The following NR1H4 variants were observed in gnomAD, a reference collection of about 807,000 sequenced individuals.
NR1H4 encodes bile acid receptor.
Under a neutral mutation model 58.5 loss-of-function variants are expected in NR1H4, and 23 were observed. The observed-to-expected ratio is 0.39, with a 90% CI of 0.28 to 0.56. The LOEUF (loss-of-function observed/expected upper bound fraction) is 0.56. NR1H4 is among the 20% of genes least tolerant of loss of function. The pLI, the probability that NR1H4 is intolerant of heterozygous loss-of-function variation, is 0.58. For missense variants in NR1H4, 487 were observed against 576.9 expected, an observed-to-expected ratio of 0.84 and a Z score of 1.60; for synonymous variants, 214 against 198.0, an observed-to-expected ratio of 1.08 and a Z score of -0.68.
intron 1 of NR1H4, among the ~76,000 whole-genome samples, chr12:100,476,245 G>C (rs571080735): frequency 7.9e-5 from 12 of 152,112 alleles, no homozygotes; most frequent in African/African-American, 1.7e-4. Flanking sequence ...GAGCGGCGAG[G>C]GGGGACCAGC....
At chr12:100,490,505 G>T (rs550612626) in intron 1 of NR1H4, among the ~76,000 whole-genome samples, 2 of 152,104 alleles carry the variant, frequency 1.3e-5, no homozygotes, top group African/African-American at 4.8e-5. Flanking sequence ...CGTTCACATT[G>T]TGGGTTCCTG....
intron 1 of NR1H4, among the ~76,000 whole-genome samples, chr12:100,486,427 A>G (rs1329366664): frequency 2.0e-5 from 3 of 152,216 alleles, no homozygotes; most frequent in Non-Finnish European, 2.9e-5. Flanking sequence ...GGAAGCATCA[A>G]TCAACAAACT....
chr12:100,481,829 G>C (rs1410929392), intron 1 of NR1H4, among the ~76,000 whole-genome samples: 1 of 152,090 alleles, frequency 6.6e-6, no homozygotes, highest in Non-Finnish European at 1.5e-5. Context: ...CAGGAGAATG[G>C]TGTGAACCCA....
intron 9 of NR1H4, among the ~76,000 whole-genome samples, chr12:100,545,671 C>CAAAAAAAAAAA (rs1491301660): frequency 1.9e-4 from 10 of 53,324 alleles, no homozygotes; most frequent in African/African-American, 9.0e-4. Context: ...AAAAAAAAAC[C>CAAAAAAAAAAA]AAACGGGGGG....
chr12:100,492,414 A>G (rs917497481), intron 1 of NR1H4, 89 bp from the exon 2 acceptor site: 2 of 152,204 alleles, frequency 1.3e-5, no homozygotes, highest in African/African-American at 4.8e-5. Context: ...AGGTTTGAAA[A>G]TCATCCTCAG....
chr12:100,520,925 C>T (rs188476419), intron 4 of NR1H4, among the ~76,000 whole-genome samples: 9 of 152,196 alleles, frequency 5.9e-5, no homozygotes, highest in African/African-American at 9.6e-5. Flanking sequence ...TTCTTAAGAC[C>T]GTGCAATATT....
intron 3 of NR1H4, among the ~76,000 whole-genome samples, chr12:100,494,941 A>C (rs1234826467): frequency 6.6e-6 from 1 of 152,166 alleles, no homozygotes; most frequent in Non-Finnish European, 1.5e-5. Flanking sequence ...TTCAGCTCCA[A>C]TTTGCATACA....
intron 1 of NR1H4, among the ~76,000 whole-genome samples, chr12:100,482,809 G>T (rs1040209328): frequency 1.3e-5 from 2 of 152,170 alleles, no homozygotes; most frequent in Non-Finnish European, 2.9e-5. Context: ...AACTCCAGGT[G>T]CTTCTTCTAC....
At chr12:100,529,811 T>C (rs1420936047) in intron 4 of NR1H4, among the ~76,000 whole-genome samples, 3 of 152,230 alleles carry the variant, frequency 2.0e-5, no homozygotes, top group Admixed American at 2.0e-4. Flanking sequence ...GCTTGACTTC[T>C]AGCAGTTGGG....
rs535473231 is a variant in NR1H4, at chr12:100,534,478, C to T, written c.599-412C>T. Among the ~76,000 whole-genome samples the T allele has an allele frequency of 2.0e-5, 3 of 152,322 alleles. No individual in the cohort carries two copies. The South Asian group carries it at 6.2e-4, about 32-fold the overall frequency. ...GCATGTTTTAAAACACCAATTTTCA[C>T]AGTCCCCTAGAGCAGGAACAGGGAG... is the stretch of plus-strand genomic sequence containing the variant. On this transcript the variant is annotated intron_variant, in intron 5 of 10. Transcript: ENST00000392986.
intron 3 of NR1H4, among the ~76,000 whole-genome samples, chr12:100,507,524 G>A (rs915212258): frequency 2.6e-5 from 4 of 151,834 alleles, no homozygotes; most frequent in South Asian, 2.1e-4. Flanking sequence ...GTGCAGTGGC[G>A]CGATCTCGGC....
At chr12:100,495,907 A>G (rs1267056594) in intron 3 of NR1H4, among the ~76,000 whole-genome samples, 1 of 152,168 alleles carries the variant, frequency 6.6e-6, no homozygotes, top group Admixed American at 6.5e-5. Context: ...AGACTGGCCC[A>G]TGAATGAGTA....
chr12:100,558,493 G>C (rs1593139358), intron 9 of NR1H4, among the ~76,000 whole-genome samples: 1 of 152,230 alleles, frequency 6.6e-6, no homozygotes, highest in East Asian at 1.9e-4. Context: ...GAGTAGCTGG[G>C]ACCACAGGCA....
intron 4 of NR1H4, among the ~76,000 whole-genome samples, chr12:100,529,668 A>G (rs143720420): frequency 3.9e-5 from 6 of 152,204 alleles, no homozygotes; most frequent in African/African-American, 1.2e-4. Flanking sequence ...CTCATGGTCC[A>G]TGTTTCTAAA....
At chr12:100,530,402 G>T (rs964044267) in intron 4 of NR1H4, among the ~76,000 whole-genome samples, 4 of 152,138 alleles carry the variant, frequency 2.6e-5, no homozygotes, top group Admixed American at 2.6e-4. Flanking sequence ...AGGTAAAGTA[G>T]CTCAAACAAT....
chr12:100,522,826 G>C (rs1282676524), intron 4 of NR1H4, among the ~76,000 whole-genome samples: 2 of 152,138 alleles, frequency 1.3e-5, no homozygotes, highest in Non-Finnish European at 2.9e-5. Flanking sequence ...CCATTCCTGA[G>C]TTACTTCACT....
At chr12:100,495,979 T>A (rs1464394047) in intron 3 of NR1H4, among the ~76,000 whole-genome samples, 1 of 152,142 alleles carries the variant, frequency 6.6e-6, no homozygotes, top group Non-Finnish European at 1.5e-5. Flanking sequence ...GAAGGGTTAA[T>A]CCATGGGTTC....
intron 4 of NR1H4, among the ~76,000 whole-genome samples, chr12:100,530,788 C>T (rs116301184): frequency 0.012 from 1,765 of 152,210 alleles, 40 homozygotes; most frequent in African/African-American, 0.04. Flanking sequence ...CCCTCATGCC[C>T]CCAAAATGTA....
At position 100,540,553 on chromosome 12, in the gene NR1H4, A is replaced by G; in HGVS notation, c.932-119A>G. 5 of 1,102,578 alleles carry G rather than the reference A, an allele frequency of 4.5e-6. 1 individual carries two copies. The South Asian group carries it at 6.3e-5, about 14-fold the overall frequency. The allele number at this position is 1,102,578 out of a possible 1,614,324, so 68.3% of individuals were successfully genotyped here. A position where few individuals can be genotyped will look rare whatever the true frequency, so the allele number is the denominator to read the frequency against. ...GGCGAGTACAAATGGACTCAACTAG[A>G]CTACCCAATTTTAAACAACTACAGA... On this transcript the variant is annotated intron_variant, in intron 8 of 10. Transcript: ENST00000392986.
Sources: allele counts gnomAD v4.1 joint callset (sites outside exome capture counted in the v4.1 genomes callset), GRCh38; gene constraint gnomAD v4.1.1; transcripts MANE v1.5; gene names NCBI Gene and HGNC (gene_info 2026-07-23, HGNC 2026-07-21).